BHMT2: variants seen among roughly 807,000 people sequenced by gnomAD.
BHMT2 encodes the protein betaine--homocysteine S-methyltransferase 2.
Under a neutral mutation model 39.0 loss-of-function variants are expected in BHMT2, and 28 were observed. The observed-to-expected ratio is 0.72, with a 90% CI of 0.53 to 0.98. The LOEUF (loss-of-function observed/expected upper bound fraction) is 0.98. Among genes scored for constraint, BHMT2 ranks in the 50% least tolerant of loss-of-function variants. The pLI is 0.00. For synonymous variants in BHMT2, 145 were observed against 160.6 expected, an observed-to-expected ratio of 0.90 and a Z score of 0.74; for missense variants, 410 against 455.6, an observed-to-expected ratio of 0.90 and a Z score of 0.91.
chr5:79,073,583 G>T (rs906144601), intron 1 of BHMT2, among the ~76,000 whole-genome samples: 1 of 152,206 alleles, frequency 6.6e-6, no homozygotes, highest in Non-Finnish European at 1.5e-5. Flanking sequence ...ATTGAAAAGA[G>T]TGAATTGCAT....
At chr5:79,083,546 A>C (rs1236646790) in intron 6 of BHMT2, 82 bp from the exon 7 acceptor site, 1 of 1,533,344 alleles carries the variant, frequency 6.5e-7, no homozygotes. Flanking sequence ...TAGTTTTTTT[A>C]ATTGGAAAAA....
At position 79,077,870 on chromosome 5, in the gene BHMT2, C is replaced by T. The variant is rs1755704150; in HGVS notation, c.166+258C>T. On this transcript the variant is annotated intron_variant, in intron 2 of 7. Transcript: ENST00000255192. ...ACACACACTCCCACACACACACATC[C>T]ATGCACTCACACCCCAACCCCACAT... is the stretch of plus-strand genomic sequence containing the variant. 1.0e-5 allele frequency: 3 copies of T among 295,334 alleles called. No homozygotes were observed. In the East Asian group the frequency reaches 1.9e-4, roughly 19 times the overall value. The allele number at this position is 295,334 out of a possible 1,614,324, so 18.3% of individuals were successfully genotyped here. A position where few individuals can be genotyped will look rare whatever the true frequency, so the allele number is the denominator to read the frequency against.
At chr5:79,079,258 A>G in intron 2 of BHMT2, 111 bp from the exon 3 acceptor site, 2 of 714,366 alleles carry the variant, frequency 2.8e-6, no homozygotes, top group Non-Finnish European at 4.7e-6. Context: ...GAACTGAGGT[A>G]TGATTGAAAG....
rs766489960 is a variant in BHMT2 at position 79,081,049 on chromosome 5, T to C, written c.450+171T>C. Reference sequence around the variant, plus strand: ...CAAGGCCAACATTCCCTCATTGGTATGCTAGGTTCTCTTAGAGCCAAAGGA... The same window carrying C: ...CAAGGCCAACATTCCCTCATTGGTACGCTAGGTTCTCTTAGAGCCAAAGGA... On this transcript the variant is annotated intron_variant, in intron 4 of 7. Coordinates refer to ENST00000255192, the MANE Select transcript of BHMT2 (RefSeq NM_017614.5). 8.8e-5 allele frequency: 52 copies of C among 591,636 alleles called. 2 individuals carry two copies. The highest frequency in any genetic ancestry group is 2.0e-5 in the African/African-American group (1 of 50,990). 36.6% of individuals were successfully genotyped at this position (591,636 alleles called of 1,614,324 possible).
At chr5:79,087,014 GTATATATA>G (rs369119738) in intron 7 of BHMT2, among the ~76,000 whole-genome samples, 22 of 118,310 alleles carry the variant, frequency 1.9e-4, no homozygotes, top group East Asian at 1.4e-3. Context: ...GTGTGTGTGT[GTATATATA>G]TATATATATA....
intron 7 of BHMT2, among the ~76,000 whole-genome samples, chr5:79,087,271 C>A (rs1278185767): frequency 2.6e-5 from 4 of 151,670 alleles, no homozygotes; most frequent in Non-Finnish European, 5.9e-5. Flanking sequence ...TTAGCCAAAG[C>A]TTTCTTCTAG....
intron 4 of BHMT2, among the ~76,000 whole-genome samples, chr5:79,082,185 C>T (rs1755800447): frequency 6.6e-6 from 1 of 152,158 alleles, no homozygotes; most frequent in Non-Finnish European, 1.5e-5. Context: ...TCAGCTGTGG[C>T]ACTGAAGGGG....
chr5:79,083,496 C>A (rs1286092173), intron 6 of BHMT2, 122 bp downstream of exon 6: 3 of 1,464,018 alleles, frequency 2.0e-6, no homozygotes, highest in African/African-American at 1.4e-5. Context: ...CAGAGTTAAC[C>A]AAAAATGAGC....
At position 79,069,805 on chromosome 5, in the gene BHMT2, G is replaced by C; in HGVS notation, c.23G>C (p.Gly8Ala). ...ACCATGGCACCTGCTGGACGCCCGGGGGCCAAGAAGGTGAGTTTCGTCCCC... is the reference window on the plus strand; with the variant it reads ...ACCATGGCACCTGCTGGACGCCCGGCGGCCAAGAAGGTGAGTTTCGTCCCC... MAPAGRP[G>A]AKKGILERLE... Residue 8 changes from glycine (G) to alanine (A), a missense_variant, in exon 1 of 8, where the codon GGG (glycine) becomes GCG (alanine). By Grantham distance (60) the Gly-to-Ala change is moderately conservative (BLOSUM62 0). Transcript: ENST00000255192. The C allele has an allele frequency of 7.0e-7, 1 of 1,435,936 alleles. No individual in the cohort carries two copies. Among genetic ancestry groups the C allele is most frequent in the Middle Eastern group, 1.8e-4 (1 of 5,476 alleles). The allele number at this position is 1,435,936 out of a possible 1,614,324, so 88.9% of individuals were successfully genotyped here. A position where few individuals can be genotyped will look rare whatever the true frequency, so the allele number is the denominator to read the frequency against.
intron 3 of BHMT2, 58 bp downstream of exon 3, chr5:79,079,518 C>A (rs762972732): frequency 8.3e-7 from 1 of 1,203,860 alleles, no homozygotes; most frequent in Non-Finnish European, 1.2e-6. Flanking sequence ...ATAACCTCTT[C>A]ATGGGAAGCT....
chr5:79,074,921 G>A (rs760019119), intron 1 of BHMT2, among the ~76,000 whole-genome samples: 1 of 152,160 alleles, frequency 6.6e-6, no homozygotes. Context: ...TTTCCTCATC[G>A]TTTGAGACAG....
Position 79,083,327 on chromosome 5 carries a change from C to T in BHMT2, c.734C>T (p.Pro245Leu), listed in dbSNP as rs1355888942. 6.2e-7 allele frequency: 1 copy of T among 1,610,600 alleles called. No individual in the cohort carries two copies. Among genetic ancestry groups the T allele is most frequent in the Admixed American group, 1.7e-5 (1 of 59,716 alleles). The change falls in exon 6 of 8, where the codon CCT (proline) becomes CTT (leucine). Residue 245 changes from proline (P) to leucine (L), a missense_variant. Transcript: ENST00000255192. Reference protein sequence around the residue: ...LMVQPLGFHAPDCGKEGFVDL... With the variant: ...LMVQPLGFHALDCGKEGFVDL... ...GTGCAGCCTCTGGGGTTCCACGCGC[C>T]TGACTGTGGCAAAGAGGGGTTTGTG...
At chr5:79,078,451 T>C (rs567481583) in intron 2 of BHMT2, among the ~76,000 whole-genome samples, 16 of 152,366 alleles carry the variant, frequency 1.1e-4, no homozygotes, top group Non-Finnish European at 1.9e-4. Context: ...CTGGAACTTT[T>C]GATTCACTCT....
chr5:79,081,541 A>C (rs992055999), intron 4 of BHMT2, among the ~76,000 whole-genome samples: 1 of 152,152 alleles, frequency 6.6e-6, no homozygotes. Context: ...TCATGCCTTC[A>C]ACCCACAACT....
intron 2 of BHMT2, chr5:79,077,840 C>T (rs147833661): frequency 3.0e-5 from 12 of 401,306 alleles, no homozygotes; most frequent in African/African-American, 1.8e-4. Flanking sequence ...CCCATCCACA[C>T]GCCCACACAC....
chr5:79,080,705 G>T lies in BHMT2; in HGVS notation c.277G>T (p.Ala93Ser). Residue 93 changes from alanine to serine, a missense_variant, in exon 4 of 8, where the codon GCT becomes TCT. By Grantham distance (99) the Ala-to-Ser change is moderately conservative. Coordinates refer to ENST00000255192, the MANE Select transcript of BHMT2 (RefSeq NM_017614.5). ...MESKWEDVNA[A>S]ACDLAREVAG... The stretch of plus-strand genomic sequence containing the variant: ...ACCTCAGTGGGAAGATGTAAATGCT[G>T]CTGCCTGTGACCTCGCCAGGGAAGT... 6.3e-7 allele frequency: 1 copy of T among 1,594,096 alleles called. No homozygotes were observed. The highest frequency in any genetic ancestry group is 8.5e-7 in the Non-Finnish European group (1 of 1,174,370).
At chr5:79,069,841 C>A in intron 1 of BHMT2, 26 bp downstream of exon 1, 1 of 1,400,838 alleles carries the variant, frequency 7.1e-7, no homozygotes, top group Middle Eastern at 1.9e-4. Context: ...TCGATCCTCG[C>A]GGAGCTCCTG....
intron 1 of BHMT2, among the ~76,000 whole-genome samples, chr5:79,072,965 C>CTT (rs10626697): frequency 0.71 from 98,263 of 137,604 alleles, 35,796 homozygotes; most frequent in Non-Finnish European, 0.78. Context: ...AAATTTGATT[C>CTT]TTTTTTTTTT....
intron 1 of BHMT2, 32 bp from the exon 2 acceptor site, chr5:79,077,448 C>A: frequency 1.9e-6 from 3 of 1,565,148 alleles, no homozygotes; most frequent in Non-Finnish European, 2.6e-6. Context: ...AAAAGTAGAG[C>A]GGAGCTTAGG....
Sources: allele counts gnomAD v4.1 joint callset (sites outside exome capture counted in the v4.1 genomes callset), GRCh38; gene constraint gnomAD v4.1.1; transcripts MANE v1.5; gene names NCBI Gene and HGNC (gene_info 2026-07-23, HGNC 2026-07-21).